Variants in XXYLT1 observed in about 807,000 individuals in gnomAD.
The protein encoded by XXYLT1 is xyloside xylosyltransferase 1.
Under a neutral mutation model 28.9 loss-of-function variants are expected in XXYLT1, and 20 were observed. The observed-to-expected ratio is 0.69, with a 90% CI of 0.49 to 1.00. The LOEUF is 1.00. Ranked by LOEUF, XXYLT1 falls within the 50% of genes least tolerant of loss-of-function variation. XXYLT1 has a pLI of 0.00. For missense variants in XXYLT1, 542 were observed against 560.1 expected, an observed-to-expected ratio of 0.97 and a Z score of 0.33; for synonymous variants, 257 against 253.8, an observed-to-expected ratio of 1.01 and a Z score of -0.12.
intron 3 of XXYLT1, among the ~76,000 whole-genome samples, chr3:195,143,882 A>G (rs566260811): frequency 8.4e-6 from 1 of 118,890 alleles, no homozygotes; most frequent in African/African-American, 3.6e-5. Flanking sequence ...ATATATATAT[A>G]TATATATTTA....
At chr3:195,096,913 GA>G (rs1305995944) in intron 3 of XXYLT1, among the ~76,000 whole-genome samples, 1 of 152,198 alleles carries the variant, frequency 6.6e-6, no homozygotes, top group African/African-American at 2.4e-5. Flanking sequence ...CTGGAGGTTA[GA>G]AATAGTTCAA....
chr3:195,073,104 G>A (rs368026788), intron 3 of XXYLT1, among the ~76,000 whole-genome samples: 1 of 152,334 alleles, frequency 6.6e-6, no homozygotes, highest in African/African-American at 2.4e-5. Flanking sequence ...GAGGTCCTCA[G>A]TTTGTCGCAG....
At chr3:195,202,416 A>C (rs1160270878) in intron 2 of XXYLT1, among the ~76,000 whole-genome samples, 1 of 152,074 alleles carries the variant, frequency 6.6e-6, no homozygotes, top group Non-Finnish European at 1.5e-5. Context: ...AAAAAAAAAA[A>C]AAAAAAACTG....
At chr3:195,088,259 T>C (rs1314009667) in intron 3 of XXYLT1, among the ~76,000 whole-genome samples, 26 of 151,010 alleles carry the variant, frequency 1.7e-4, no homozygotes, top group Admixed American at 1.3e-3. Context: ...AAGACAGCAG[T>C]AACCTCTGCA....
Position 195,240,649 on chromosome 3 carries a change from C to G in XXYLT1, c.505-13793G>C, listed in dbSNP as rs772850406. Among the ~76,000 whole-genome samples, 2 of 152,236 alleles carry G rather than the reference C, an allele frequency of 1.3e-5. No homozygotes were observed. Among genetic ancestry groups the G allele is most frequent in the Non-Finnish European group, 2.9e-5 (2 of 68,050 alleles). ...ACAGACAGCAACGCCACAGGTCGGCCGGAGGCCAAGGGTTCACCCATCTCC... is the reference window on the plus strand; with the variant it reads ...ACAGACAGCAACGCCACAGGTCGGCGGGAGGCCAAGGGTTCACCCATCTCC... On this transcript the variant is annotated intron_variant, in intron 1 of 3. Coordinates refer to ENST00000310380, the MANE Select transcript of XXYLT1 (RefSeq NM_152531.5). The surrounding 1 kb of genome is among the most constrained non-coding windows in gnomAD (Gnocchi z 4.7).
chr3:195,233,760 TTAAGA>T (rs1235411535), intron 1 of XXYLT1, among the ~76,000 whole-genome samples: 1 of 152,256 alleles, frequency 6.6e-6, no homozygotes, highest in African/African-American at 2.4e-5. Flanking sequence ...ATCTTTGTAC[TTAAGA>T]TATCAGAAAT....
At chr3:195,245,186 A>T (rs1404556778) in intron 1 of XXYLT1, among the ~76,000 whole-genome samples, 1 of 134,590 alleles carries the variant, frequency 7.4e-6, no homozygotes, top group Non-Finnish European at 1.6e-5. Flanking sequence ...TTTGAGACGG[A>T]GTCTCGCTCT....
intron 3 of XXYLT1, among the ~76,000 whole-genome samples, chr3:195,097,406 G>C (rs1716510801): frequency 6.6e-6 from 1 of 152,130 alleles, no homozygotes. Flanking sequence ...CCACGTGTGG[G>C]TTACAACAGC....
chr3:195,126,884 T>G (rs1228333402), intron 3 of XXYLT1, among the ~76,000 whole-genome samples: 1 of 152,188 alleles, frequency 6.6e-6, no homozygotes, highest in Non-Finnish European at 1.5e-5. Context: ...TTTTCTTGCC[T>G]GGTTGCGATG....
chr3:195,225,759 T>C (rs1724020925), intron 2 of XXYLT1, among the ~76,000 whole-genome samples: 2 of 149,410 alleles, frequency 1.3e-5, no homozygotes, highest in Non-Finnish European at 3.0e-5. Context: ...AATTTAATCA[T>C]GGGGGGCAGT....
At chr3:195,259,854 G>C (rs1725617860) in intron 1 of XXYLT1, among the ~76,000 whole-genome samples, 1 of 152,218 alleles carries the variant, frequency 6.6e-6, no homozygotes, top group Admixed American at 6.5e-5. Context: ...CGGGTGTGAC[G>C]GGGACCGGGC....
intron 2 of XXYLT1, among the ~76,000 whole-genome samples, chr3:195,167,286 C>T (rs940942825): frequency 6.6e-6 from 1 of 152,190 alleles, no homozygotes; most frequent in Non-Finnish European, 1.5e-5. Flanking sequence ...TGATTCTTGT[C>T]TAAATAAATT....
At chr3:195,117,114 T>TACAAACACAC (rs1553805415) in intron 3 of XXYLT1, among the ~76,000 whole-genome samples, 1 of 148,630 alleles carries the variant, frequency 6.7e-6, no homozygotes, top group Non-Finnish European at 1.5e-5. Flanking sequence ...ATATAGTGTA[T>TACAAACACAC]ACACACACAC....
intron 2 of XXYLT1, among the ~76,000 whole-genome samples, chr3:195,213,767 A>T (rs150969922): frequency 6.6e-6 from 1 of 152,268 alleles, no homozygotes; most frequent in African/African-American, 2.4e-5. Flanking sequence ...CTTACCAAGC[A>T]TCTCTCGGTA....
intron 3 of XXYLT1, among the ~76,000 whole-genome samples, chr3:195,072,852 G>A (rs1304603293): frequency 6.6e-6 from 1 of 152,204 alleles, no homozygotes; most frequent in Non-Finnish European, 1.5e-5. Context: ...GTGTCTGCTG[G>A]TTCTCGTAGA....
chr3:195,206,495 G>A (rs1353765984), intron 2 of XXYLT1, among the ~76,000 whole-genome samples: 1 of 151,880 alleles, frequency 6.6e-6, no homozygotes, highest in Non-Finnish European at 1.5e-5. Context: ...CCAGCCAGTT[G>A]CGGTGGCTCA....
rs1377671920 is a variant in XXYLT1 at position 195,069,803 on chromosome 3, T to C, written c.1094A>G (p.Tyr365Cys). ...GAAATAGGCCTCGAAGACGTCACTG[T>C]AGCCATGGTCCCTCCACCAGGTGCA... Reference protein sequence around the residue: ...QLCTWWRDHGYSDVFEAYFRC... With the variant: ...QLCTWWRDHGCSDVFEAYFRC... Residue 365 changes from tyrosine (Y) to cysteine (C), a missense_variant, in exon 4 of 4, where the codon TAC becomes TGC. Physicochemically the swap from Tyr to Cys is radical, Grantham distance 194. Transcript: ENST00000310380. 2 of 1,614,036 alleles carry C rather than the reference T, an allele frequency of 1.2e-6. No individual in the cohort carries two copies. Among genetic ancestry groups the C allele is most frequent in the Admixed American group, 3.3e-5 (2 of 60,004 alleles).
rs948058495 is a variant in XXYLT1 at position 195,177,898 on chromosome 3, G to A, written c.653-21317C>T. Among the ~76,000 whole-genome samples the A allele has an allele frequency of 4.1e-5, 6 of 146,170 alleles. 1 individual carries two copies. The highest frequency in any genetic ancestry group is 6.9e-5 in the Admixed American group (1 of 14,434). On this transcript the variant is annotated intron_variant, in intron 2 of 3. Coordinates refer to ENST00000310380, the MANE Select transcript of XXYLT1 (RefSeq NM_152531.5). ...TACAGTGAGCTGTGTTCATGCCACC[G>A]CACTCCAGCCTGAGTGACAGAGCAA... is the stretch of plus-strand genomic sequence containing the variant.
rs759218145 is a variant in XXYLT1, at chr3:195,115,079, G to A, written c.785+41370C>T. Among the ~76,000 whole-genome samples the A allele has an allele frequency of 1.1e-4, 16 of 152,226 alleles. No individual in the cohort carries two copies. Among genetic ancestry groups the A allele is most frequent in the Non-Finnish European group, 1.8e-4 (12 of 68,050 alleles). ...ACCTCCCGTTGATCCTCCTCCTATT[G>A]AGAGGTTGGAACGAGGGAAACTAAG... On this transcript the variant is annotated intron_variant, in intron 3 of 3. Coordinates refer to ENST00000310380, the MANE Select transcript of XXYLT1 (RefSeq NM_152531.5). This position sits in a 1 kb window ranked among gnomAD's most constrained non-coding sequence, Gnocchi z 4.2.
Sources: allele counts gnomAD v4.1 joint callset (sites outside exome capture counted in the v4.1 genomes callset), GRCh38; gene constraint gnomAD v4.1.1; non-coding constraint Gnocchi (gnomAD v3.1); transcripts MANE v1.5; gene names NCBI Gene and HGNC (gene_info 2026-07-23, HGNC 2026-07-21).